Variants in WARS1 observed in about 807,000 individuals in gnomAD.
WARS1 encodes tryptophanyl-tRNA synthetase 1, also known as tryptophan--tRNA ligase, cytoplasmic.
WARS1 carries 17 observed loss-of-function variants against 47.8 expected under a neutral mutation model. That is an observed-to-expected ratio of 0.36 (90% CI 0.24 to 0.53). WARS1 has a LOEUF of 0.53. Among genes scored for constraint, WARS1 ranks in the 20% least tolerant of loss-of-function variants. WARS1 has a pLI of 0.91. For synonymous variants in WARS1, 208 were observed against 228.1 expected (o/e 0.91, Z 0.79); for missense variants, 434 against 608.0 (o/e 0.71, Z 3.01).
At chr14:100,342,340 G>GC in intron 9 of WARS1, 58 bp downstream of exon 9, 2 of 1,605,354 alleles carry the variant, frequency 1.2e-6, no homozygotes, top group Non-Finnish European at 1.7e-6. Context: ...GTGTGCGTGT[G>GC]CCCCCCAGGG....
intron 6 of WARS1, among the ~76,000 whole-genome samples, chr14:100,349,575 C>G (rs56238254): frequency 1.3e-5 from 2 of 152,212 alleles, no homozygotes; most frequent in African/African-American, 4.8e-5. Flanking sequence ...CTGCCCCCCA[C>G]TAGCACCCAG....
chr14:100,368,537 C>T (rs763246333), intron 2 of WARS1: 85 of 453,754 alleles, frequency 1.9e-4, no homozygotes, highest in Admixed American at 1.2e-3. Flanking sequence ...ACCAAAAGAT[C>T]GGCTAAAAGA....
In WARS1 at chr14:100,334,792, A is replaced by G. The variant is rs1893593492; in HGVS notation, c.*83T>C. On this transcript the variant is annotated 3_prime_UTR_variant, in exon 11 of 11. Coordinates refer to ENST00000392882, the MANE Select transcript of WARS1 (RefSeq NM_004184.4). The stretch of plus-strand genomic sequence containing the variant: ...TAATTACCATGAGACAGAAGCCTAC[A>G]GGTGGCGGTGCTTTGACTGGGCTGG... 3 of 1,523,094 alleles carry G rather than the reference A, an allele frequency of 2.0e-6. No homozygotes were observed. The highest frequency in any genetic ancestry group is 2.7e-6 in the Non-Finnish European group (3 of 1,116,624). The allele number at this position is 1,523,094 out of a possible 1,614,324, so 94.3% of individuals were successfully genotyped here. A position where few individuals can be genotyped will look rare whatever the true frequency, so the allele number is the denominator to read the frequency against.
At chr14:100,356,396 T>TCG (rs772938654) in intron 4 of WARS1, among the ~76,000 whole-genome samples, 12 of 98,900 alleles carry the variant, frequency 1.2e-4, no homozygotes, top group South Asian at 1.1e-3. Flanking sequence ...TGTGTGTGTG[T>TCG]GTGGGGGGGG....
chr14:100,365,122 A>ACACACACACAC (rs1895877450), intron 2 of WARS1, among the ~76,000 whole-genome samples: 1 of 72,604 alleles, frequency 1.4e-5, no homozygotes, highest in South Asian at 5.4e-4. Flanking sequence ...TGTCTCAAAA[A>ACACACACACAC]ATACACACAC....
intron 6 of WARS1, among the ~76,000 whole-genome samples, chr14:100,352,364 C>T (rs1434994102): frequency 6.6e-6 from 1 of 152,060 alleles, no homozygotes; most frequent in Non-Finnish European, 1.5e-5. Flanking sequence ...GTGATCCACC[C>T]ACCTCAGCCT....
chr14:100,342,355 T>C, intron 9 of WARS1, 43 bp downstream of exon 9: 1 of 1,611,508 alleles, frequency 6.2e-7, no homozygotes, highest in Non-Finnish European at 8.5e-7. Flanking sequence ...CCAGGGCATG[T>C]TTCTGATCCC....
At chr14:100,368,691 T>C (rs1001940317) in intron 2 of WARS1, among the ~76,000 whole-genome samples, 1 of 152,224 alleles carries the variant, frequency 6.6e-6, no homozygotes, top group South Asian at 2.1e-4. Flanking sequence ...GCTGGCGTGG[T>C]GGCTCATGCT....
intron 9 of WARS1, among the ~76,000 whole-genome samples, chr14:100,337,616 T>G (rs1194495547): frequency 6.9e-6 from 1 of 145,168 alleles, no homozygotes; most frequent in Admixed American, 7.2e-5. Context: ...TTTGGGAGGC[T>G]GAGGGGGGAG....
At chr14:100,364,584 T>C (rs920118160) in intron 2 of WARS1, among the ~76,000 whole-genome samples, 4 of 152,248 alleles carry the variant, frequency 2.6e-5, no homozygotes, top group Admixed American at 2.0e-4. Flanking sequence ...TTCTGAATTT[T>C]TCACCACTTA....
At position 100,353,735 on chromosome 14, in the gene WARS1, C is replaced by G; in HGVS notation, c.677G>C (p.Gly226Ala). Residue 226 changes from glycine to alanine, a missense_variant, in exon 6 of 11, where the codon GGC becomes GCC. Around this residue, in one of 2 missense-constraint regions of WARS1, gnomAD observed 347 missense variants for 523.8 expected, o/e 0.66. Coordinates refer to ENST00000392882, the MANE Select transcript of WARS1 (RefSeq NM_004184.4). The part of the protein sequence containing the change: ...VENAKDIIAC[G>A]FDINKTFIFS... ...TATGAAAGTCTTGTTGATGTCAAAG[C>G]CACAGGCGATGATGTCCTTGGCATT... is the stretch of plus-strand genomic sequence containing the variant. The G allele has an allele frequency of 6.2e-7, 1 of 1,614,110 alleles. No individual in the cohort carries two copies. The highest frequency in any genetic ancestry group is 8.5e-7 in the Non-Finnish European group (1 of 1,180,040).
intron 7 of WARS1, 125 bp from the exon 8 acceptor site, chr14:100,343,512 A>G (rs1894314191): frequency 1.5e-6 from 1 of 654,750 alleles, no homozygotes; most frequent in South Asian, 2.1e-5. Context: ...TCTAAAAAAT[A>G]CAGAAAAGTA....
intron 9 of WARS1, chr14:100,340,633 A>C (rs1023517348): frequency 6.6e-6 from 1 of 152,180 alleles, no homozygotes; most frequent in Non-Finnish European, 1.5e-5. Context: ...GGCACGTGCC[A>C]CTGCCCTGCC....
intron 4 of WARS1, 171 bp downstream of exon 4, chr14:100,360,383 G>A (rs1895584563): frequency 2.2e-6 from 1 of 449,064 alleles, no homozygotes. Context: ...TGATGGACAA[G>A]CATGATCCCA....
chr14:100,355,715 C>T (rs1021166007), intron 4 of WARS1, among the ~76,000 whole-genome samples: 3 of 152,088 alleles, frequency 2.0e-5, no homozygotes, highest in Non-Finnish European at 4.4e-5. Flanking sequence ...CCTTATATTC[C>T]CCAAGCCAAG....
At chr14:100,365,943 T>C (rs1448178338) in intron 2 of WARS1, 2 of 448,348 alleles carry the variant, frequency 4.5e-6, no homozygotes, top group African/African-American at 2.0e-5. Flanking sequence ...TTAGTGACCT[T>C]GCGCACTTAC....
rs1896593711 is a variant in WARS1 at position 100,375,339 on chromosome 14, G to T, written c.-130C>A. On this transcript the variant is annotated 5_prime_UTR_variant, in exon 1 of 11. Transcript: ENST00000392882. ...ACTGGTCACGCTGGGCAGTTGAGCTGCTGAGAGTGCCCTGCCCAGCCAGAA... is the reference window on the plus strand; with the variant it reads ...ACTGGTCACGCTGGGCAGTTGAGCTTCTGAGAGTGCCCTGCCCAGCCAGAA... The T allele has an allele frequency of 1.3e-5, 2 of 152,238 alleles. No individual in the cohort carries two copies. Among genetic ancestry groups the T allele is most frequent in the South Asian group, 4.1e-4 (2 of 4,834 alleles). The allele number at this position is 152,238 out of a possible 1,614,324, so 9.4% of individuals were successfully genotyped here.
chr14:100,354,349 A>G, intron 5 of WARS1, 98 bp downstream of exon 5: 1 of 1,504,022 alleles, frequency 6.6e-7, no homozygotes, highest in Admixed American at 2.3e-5. Context: ...TTGCTCAGCA[A>G]ATGAACTAGC....
intron 6 of WARS1, among the ~76,000 whole-genome samples, chr14:100,347,585 T>A (rs1012046468): frequency 6.6e-6 from 1 of 152,084 alleles, no homozygotes; most frequent in Non-Finnish European, 1.5e-5. Flanking sequence ...GGCTTCTTTT[T>A]TTTTGTTTTG....
Sources: gnomAD v4.1 joint callset for allele counts (sites outside exome capture counted in the v4.1 genomes callset) on GRCh38, gnomAD v4.1.1 for gene constraint, gnomAD v4.1.1 regional missense constraint, MANE v1.5 for transcripts, NCBI Gene and HGNC (gene_info 2026-07-23, HGNC 2026-07-21) for gene names.